The following CDKL4 variants were observed in gnomAD, a reference collection of about 807,000 sequenced individuals.
The protein encoded by CDKL4 is cyclin dependent kinase like 4.
Under a neutral mutation model 42.0 loss-of-function variants are expected in CDKL4, and 44 were observed. That is an observed-to-expected ratio of 1.05 (90% CI 0.82 to 1.35). The LOEUF (loss-of-function observed/expected upper bound fraction) is 1.35, where lower values mean the gene tolerates loss of function less well. CDKL4 is among the 40% of genes most tolerant of loss of function. CDKL4 has a pLI of 0.00. For missense variants in CDKL4, 393 were observed against 369.9 expected (o/e 1.06, Z -0.51); for synonymous variants, 120 against 121.6 (o/e 0.99, Z 0.09).
At chr2:39,216,224 T>G (rs1176508502) in intron 3 of CDKL4, among the ~76,000 whole-genome samples, 1 of 152,094 alleles carries the variant, frequency 6.6e-6, no homozygotes, top group East Asian at 1.9e-4. Context: ...CCCACATGAG[T>G]TCTGGAGATA....
At chr2:39,213,109 C>G (rs929990030) in intron 4 of CDKL4, among the ~76,000 whole-genome samples, 3 of 152,106 alleles carry the variant, frequency 2.0e-5, no homozygotes, top group Non-Finnish European at 2.9e-5. Flanking sequence ...ATGAATAATG[C>G]ATCACTTTTT....
rs182420168 is a variant in CDKL4 at position 39,241,321 on chromosome 2, C to G, written c.-57+2550G>C. ...ACATAAAAATTGAGCAAAACGTAAACAGTGAGTCCAGATATATGAGTTTAT... is the reference window on the plus strand; with the variant it reads ...ACATAAAAATTGAGCAAAACGTAAAGAGTGAGTCCAGATATATGAGTTTAT... On this transcript the variant is annotated intron_variant, in intron 1 of 9. Coordinates refer to ENST00000451199, the Ensembl canonical transcript of CDKL4. Among the ~76,000 whole-genome samples the G allele has an allele frequency of 1.6e-4, 24 of 152,248 alleles. No individual in the cohort carries two copies. In the East Asian group the frequency reaches 4.1e-3, roughly 26 times the overall value.
At chr2:39,228,048 G>A (rs1233949538) in intron 2 of CDKL4, among the ~76,000 whole-genome samples, 1 of 152,208 alleles carries the variant, frequency 6.6e-6, no homozygotes, top group Non-Finnish European at 1.5e-5. Flanking sequence ...CTTCATCAGA[G>A]ACCAAGCTGA....
At chr2:39,178,973 G>T in intron 9 of CDKL4, 1 of 1,438,956 alleles carries the variant, frequency 6.9e-7, no homozygotes, top group Non-Finnish European at 9.1e-7. Flanking sequence ...TGATTCAGGT[G>T]TGTTTGGAAT....
chr2:39,200,622 TA>T (rs937511772), intron 5 of CDKL4, among the ~76,000 whole-genome samples: 146 of 152,290 alleles, frequency 9.6e-4, no homozygotes, highest in African/African-American at 3.5e-3. Flanking sequence ...AGCAGTATGG[TA>T]TTGGTATAAA....
chr2:39,220,976 CTTTTT>C (rs1157655136), intron 3 of CDKL4, among the ~76,000 whole-genome samples: 196 of 49,142 alleles, frequency 4.0e-3, no homozygotes, highest in African/African-American at 0.011. Flanking sequence ...CATCGACGAT[CTTTTT>C]TTTTTTTTTT....
At chr2:39,213,802 C>A (rs756201797) in intron 3 of CDKL4, among the ~76,000 whole-genome samples, 1 of 152,162 alleles carries the variant, frequency 6.6e-6, no homozygotes, top group African/African-American at 2.4e-5. Context: ...TGGGTCAAAT[C>A]TTGCTACCCC....
At chr2:39,184,445 C>G in intron 8 of CDKL4, 146 bp downstream of exon 8, 1 of 582,352 alleles carries the variant, frequency 1.7e-6, no homozygotes. Context: ...GTCCCTTTAA[C>G]TGGAATTGTT....
chr2:39,200,713 A>G (rs902198890), intron 5 of CDKL4, among the ~76,000 whole-genome samples: 5 of 152,206 alleles, frequency 3.3e-5, no homozygotes, highest in African/African-American at 1.2e-4. Flanking sequence ...ATCTTTGACA[A>G]AGCAAACAAA....
intron 8 of CDKL4, 96 bp downstream of exon 8, chr2:39,184,495 T>C (rs764800987): frequency 1.5e-5 from 11 of 727,914 alleles, no homozygotes; most frequent in Non-Finnish European, 2.6e-5. Context: ...CATCCTATTT[T>C]GGCATTATTT....
At chr2:39,178,628 AGTCACCATACT>A (rs1412951298) in intron 9 of CDKL4, 1 of 1,576,282 alleles carries the variant, frequency 6.3e-7, no homozygotes, top group Non-Finnish European at 8.6e-7. Flanking sequence ...TTGTCATAAC[AGTCACCATACT>A]GTTCTGCAAT....
chr2:39,188,838 C>T (rs767530267), intron 6 of CDKL4, among the ~76,000 whole-genome samples: 4 of 152,046 alleles, frequency 2.6e-5, no homozygotes, highest in African/African-American at 9.7e-5. Context: ...TACAAGCATG[C>T]GCCATCATGT....
chr2:39,178,765 G>T, intron 9 of CDKL4: 1 of 1,595,946 alleles, frequency 6.3e-7, no homozygotes, highest in Non-Finnish European at 8.5e-7. Context: ...GCCTGCTGTG[G>T]GTGAAAAGAT....
intron 3 of CDKL4, among the ~76,000 whole-genome samples, chr2:39,225,055 G>T (rs987918628): frequency 2.0e-5 from 3 of 152,118 alleles, no homozygotes; most frequent in Admixed American, 2.0e-4. Flanking sequence ...GGTGACAGCT[G>T]ACATCCTTGT....
At chr2:39,196,324 A>G (rs1676514090) in intron 5 of CDKL4, among the ~76,000 whole-genome samples, 3 of 152,226 alleles carry the variant, frequency 2.0e-5, no homozygotes, top group Non-Finnish European at 4.4e-5. Flanking sequence ...GAAAGATCTG[A>G]CAATGGATCA....
At chr2:39,216,953 G>A (rs1453154197) in intron 3 of CDKL4, among the ~76,000 whole-genome samples, 1 of 152,154 alleles carries the variant, frequency 6.6e-6, no homozygotes, top group Non-Finnish European at 1.5e-5. Context: ...TTCCAAGAAG[G>A]CAGATTCCGT....
intron 3 of CDKL4, among the ~76,000 whole-genome samples, chr2:39,225,005 T>C (rs1678610661): frequency 6.6e-6 from 1 of 152,238 alleles, no homozygotes; most frequent in African/African-American, 2.4e-5. Context: ...CTTATTACAT[T>C]ACATTGGCTA....
chr2:39,183,511 C>T (rs981606770), intron 8 of CDKL4, among the ~76,000 whole-genome samples: 1 of 152,192 alleles, frequency 6.6e-6, no homozygotes, highest in African/African-American at 2.4e-5. Flanking sequence ...GGACAGGGAA[C>T]TTGTCCTATA....
At chr2:39,199,435 T>C (rs1024198853) in intron 5 of CDKL4, among the ~76,000 whole-genome samples, 1 of 152,162 alleles carries the variant, frequency 6.6e-6, no homozygotes, top group East Asian at 1.9e-4. Context: ...GTACTAATCC[T>C]ATTGACACTA....
Sources: gnomAD v4.1 joint callset for allele counts (sites outside exome capture counted in the v4.1 genomes callset) on GRCh38, gnomAD v4.1.1 for gene constraint, MANE v1.5 for transcripts, NCBI Gene and HGNC (gene_info 2026-07-23, HGNC 2026-07-21) for gene names.